The following WWP2 variants were observed in gnomAD, a reference collection of about 807,000 sequenced individuals.
WWP2 encodes the protein WW domain containing E3 ubiquitin protein ligase 2.
WWP2 carries 57 observed loss-of-function variants against 121.0 expected under a neutral mutation model. The observed-to-expected ratio is 0.47, with a 90% CI of 0.38 to 0.59. WWP2 has a LOEUF of 0.59. Ranked by LOEUF, WWP2 falls within the 20% of genes least tolerant of loss-of-function variation. The pLI is 0.00. For synonymous variants in WWP2, 449 were observed against 441.3 expected, an observed-to-expected ratio of 1.02 and a Z score of -0.22; for missense variants, 962 against 1,158.9, an observed-to-expected ratio of 0.83 and a Z score of 2.47.
In WWP2 at chr16:69,934,067, G is replaced by A. The variant is rs2058759692; in HGVS notation, c.1780G>A (p.Ala594Thr). The A allele has an allele frequency of 3.1e-6, 5 of 1,614,066 alleles. No homozygotes were observed. The highest frequency in any genetic ancestry group is 4.2e-6 in the Non-Finnish European group (5 of 1,180,000). The change falls in exon 17 of 24, where the codon GCC becomes ACC. Residue 594 changes from alanine to threonine, a missense_variant. By Grantham distance (58) the Ala-to-Thr change is moderately conservative (BLOSUM62 0). Coordinates refer to ENST00000359154, the MANE Select transcript of WWP2 (RefSeq NM_001270454.2). ...KNNYCLQINPASSINPDHLTY... is the reference protein window; with the variant it reads ...KNNYCLQINPTSSINPDHLTY... ...CAATTACTGCCTGCAGATCAACCCC[G>A]CCTCCTCCATCAACCCGGACCACCT... is the stretch of plus-strand genomic sequence containing the variant.
Position 69,940,233 on chromosome 16 carries a change from C to T in WWP2, c.*293C>T, listed in dbSNP as rs192495025. On this transcript the variant is annotated 3_prime_UTR_variant, in exon 24 of 24. Coordinates refer to ENST00000359154, the MANE Select transcript of WWP2 (RefSeq NM_001270454.2). ...ACTCTCCCCTGTCCTCTAGACCCCACCCTGGGTGTATGTGAGTGTGCAAGG... is the reference window on the plus strand; with the variant it reads ...ACTCTCCCCTGTCCTCTAGACCCCATCCTGGGTGTATGTGAGTGTGCAAGG... 1,115 of 427,186 alleles carry T rather than the reference C, an allele frequency of 2.6e-3. 4 individuals carry two copies. The highest frequency in any genetic ancestry group is 3.2e-3 in the Non-Finnish European group (773 of 237,890). The allele number at this position is 427,186 out of a possible 1,614,324, so 26.5% of individuals were successfully genotyped here.
intron 2 of WWP2, 119 bp downstream of exon 2, chr16:69,787,199 A>T (rs1356105118): frequency 1.6e-6 from 1 of 637,386 alleles, no homozygotes; most frequent in Admixed American, 3.7e-5. Flanking sequence ...TTAATTATTT[A>T]TTCTCATGGG....
intron 1 of WWP2, among the ~76,000 whole-genome samples, chr16:69,778,557 G>A (rs2055591190): frequency 6.6e-6 from 1 of 152,090 alleles, no homozygotes; most frequent in Admixed American, 6.6e-5. Context: ...GACCTAATAC[G>A]CATTAGGAAC....
Position 69,799,517 on chromosome 16 carries a change from G to A in WWP2, c.340+222G>A, listed in dbSNP as rs767714165. 163 of 500,712 alleles carry A rather than the reference G, an allele frequency of 3.3e-4. 2 individuals carry two copies. The Middle Eastern group carries it at 3.8e-3, about 12-fold the overall frequency. 31.0% of individuals were successfully genotyped at this position (500,712 alleles called of 1,614,324 possible). A position where few individuals can be genotyped will look rare whatever the true frequency, so the allele number is the denominator to read the frequency against. ...GGGCCTCTAGTAATGTGATGCAGTG[G>A]TGTGTTGCCCTTTATCCTTCCTTAG... On this transcript the variant is annotated intron_variant, in intron 4 of 23. Transcript: ENST00000359154. The surrounding 1 kb of genome is among the most constrained non-coding windows in gnomAD (Gnocchi z 4.5).
At chr16:69,768,901 A>AT (rs2055355672) in intron 1 of WWP2, among the ~76,000 whole-genome samples, 1 of 152,220 alleles carries the variant, frequency 6.6e-6, no homozygotes, top group African/African-American at 2.4e-5. Flanking sequence ...GGAGAATGGA[A>AT]GGTAGTAACT....
intron 13 of WWP2, 95 bp downstream of exon 13, chr16:69,930,353 G>T (rs765016669): frequency 1.3e-6 from 2 of 1,553,976 alleles, no homozygotes; most frequent in Non-Finnish European, 1.7e-6. Flanking sequence ...TGGCCCCTGT[G>T]GTGCGTTCTA....
intron 6 of WWP2, 73 bp downstream of exon 6, chr16:69,842,193 C>T (rs890239486): frequency 2.3e-5 from 33 of 1,409,938 alleles, no homozygotes; most frequent in Non-Finnish European, 3.0e-5. Context: ...TGGGACATGG[C>T]GGGGAACATT....
chr16:69,846,161 T>A (rs1235313594), intron 6 of WWP2, among the ~76,000 whole-genome samples: 1 of 151,946 alleles, frequency 6.6e-6, no homozygotes, highest in Non-Finnish European at 1.5e-5. Flanking sequence ...CAGACTGTGT[T>A]AATATGGAAT....
Position 69,939,398 on chromosome 16 carries a change from C to G in WWP2, c.2498C>G (p.Pro833Arg). The change falls in exon 23 of 24, where the codon CCC becomes CGC. Residue 833 changes from proline to arginine, a missense_variant. Physicochemically the swap from Pro to Arg is moderately radical, Grantham distance 103. Around this residue, in one of 3 missense-constraint regions of WWP2, gnomAD observed 606 missense variants for 772.6 expected, o/e 0.78. Coordinates refer to ENST00000359154, the MANE Select transcript of WWP2 (RefSeq NM_001270454.2). ...IDKVGKETWL[P>R]RSHTCFNRLD... ...AAAGTTGGCAAGGAAACCTGGCTGC[C>G]CAGAAGCCACACCTGGTGAGCCTGC... 1 of 1,614,122 alleles carries G rather than the reference C, an allele frequency of 6.2e-7. No homozygotes were observed. The highest frequency in any genetic ancestry group is 8.5e-7 in the Non-Finnish European group (1 of 1,180,016).
At chr16:69,826,478 A>G (rs1032195433) in intron 4 of WWP2, among the ~76,000 whole-genome samples, 56 of 151,132 alleles carry the variant, frequency 3.7e-4, no homozygotes, top group African/African-American at 1.3e-3. Context: ...AGGCTGAGAC[A>G]GGAGAATTGG....
chr16:69,817,766 C>T (rs1266825871), intron 4 of WWP2, among the ~76,000 whole-genome samples: 3 of 150,738 alleles, frequency 2.0e-5, no homozygotes, highest in Middle Eastern at 3.4e-3. Context: ...TCAAGTGATC[C>T]TCCCACCTCA....
chr16:69,834,882 AAAG>A (rs1466367819), intron 4 of WWP2, among the ~76,000 whole-genome samples: 2 of 152,046 alleles, frequency 1.3e-5, no homozygotes, highest in African/African-American at 4.8e-5. Context: ...TTAAGGAAAA[AAAG>A]AAAAGAAATT....
chr16:69,872,378 G>A (rs902559695), intron 7 of WWP2, among the ~76,000 whole-genome samples: 2 of 152,000 alleles, frequency 1.3e-5, no homozygotes, highest in South Asian at 2.1e-4. Flanking sequence ...TGCCACGCCC[G>A]GCTAATTTTT....
At chr16:69,887,974 C>T in intron 7 of WWP2, 65 bp from the exon 8 acceptor site, 1 of 1,578,506 alleles carries the variant, frequency 6.3e-7, no homozygotes, top group Non-Finnish European at 8.7e-7. Context: ...AGTGAAAAAC[C>T]TAGCAAGTAT....
At chr16:69,817,013 C>T (rs1174134214) in intron 4 of WWP2, among the ~76,000 whole-genome samples, 1 of 152,170 alleles carries the variant, frequency 6.6e-6, no homozygotes, top group Non-Finnish European at 1.5e-5. Flanking sequence ...ATACATTCTG[C>T]CTTCCAAGGA....
intron 6 of WWP2, among the ~76,000 whole-genome samples, chr16:69,853,095 A>T (rs1304444282): frequency 6.6e-6 from 1 of 152,242 alleles, no homozygotes; most frequent in African/African-American, 2.4e-5. Context: ...GGCAATGGTA[A>T]GGCTATTTCT....
intron 4 of WWP2, among the ~76,000 whole-genome samples, chr16:69,813,106 C>T (rs2056425699): frequency 1.3e-5 from 2 of 151,104 alleles, no homozygotes; most frequent in Non-Finnish European, 2.9e-5. Flanking sequence ...GTATTATCAG[C>T]TTCTACTCAT....
chr16:69,821,441 C>T (rs1426888177), intron 4 of WWP2, among the ~76,000 whole-genome samples: 1 of 152,196 alleles, frequency 6.6e-6, no homozygotes, highest in Admixed American at 6.5e-5. Flanking sequence ...TGAGAGGCTG[C>T]CTTGTGGAGC....
At chr16:69,907,072 G>A (rs1272781026) in intron 8 of WWP2, among the ~76,000 whole-genome samples, 1 of 152,170 alleles carries the variant, frequency 6.6e-6, no homozygotes, top group African/African-American at 2.4e-5. Context: ...ATTTTCTCTT[G>A]AGAAGACCTG....
Sources: allele counts gnomAD v4.1 joint callset (sites outside exome capture counted in the v4.1 genomes callset), GRCh38; gene constraint gnomAD v4.1.1; regional missense constraint gnomAD v4.1.1; non-coding constraint Gnocchi (gnomAD v3.1); transcripts MANE v1.5; gene names NCBI Gene and HGNC (gene_info 2026-07-23, HGNC 2026-07-21).